Variants in AFDN observed in about 807,000 individuals in gnomAD.
AFDN encodes afadin.
A neutral mutation model predicts 216.6 loss-of-function variants in AFDN; 68 were observed. The observed-to-expected ratio is 0.31, with a 90% CI of 0.26 to 0.38. The LOEUF (loss-of-function observed/expected upper bound fraction) is 0.38, where lower values mean the gene tolerates loss of function less well. Among genes scored for constraint, AFDN ranks in the 10% least tolerant of loss-of-function variants. The pLI is 1.00. For missense variants in AFDN, 2,136 were observed against 2,342.0 expected (o/e 0.91, Z 1.82); for synonymous variants, 868 against 853.7 (o/e 1.02, Z -0.29).
chr6:167,964,052 G>A (rs1435593068), intron 31 of AFDN: 30 of 1,064,336 alleles, frequency 2.8e-5, no homozygotes, highest in Non-Finnish European at 3.3e-5. Flanking sequence ...CATGCAGAGA[G>A]GACCAGGCCA....
chr6:167,859,537 G>A (rs1468534325), intron 1 of AFDN, among the ~76,000 whole-genome samples: 1 of 152,188 alleles, frequency 6.6e-6, no homozygotes, highest in Non-Finnish European at 1.5e-5. Flanking sequence ...GCTAACCATA[G>A]AAGAAAAGTA....
At chr6:167,869,434 C>T (rs1784555764) in intron 2 of AFDN, among the ~76,000 whole-genome samples, 1 of 152,120 alleles carries the variant, frequency 6.6e-6, no homozygotes, top group Non-Finnish European at 1.5e-5. Flanking sequence ...CACTCAATAC[C>T]TGTTTAAATT....
intron 1 of AFDN, among the ~76,000 whole-genome samples, chr6:167,847,950 A>G (rs1465316410): frequency 1.3e-5 from 2 of 152,122 alleles, no homozygotes; most frequent in African/African-American, 4.8e-5. Context: ...TATAGCCACA[A>G]GGGGCCTGCT....
intron 7 of AFDN, among the ~76,000 whole-genome samples, chr6:167,889,806 A>G (rs958707310): frequency 6.6e-6 from 1 of 152,242 alleles, no homozygotes; most frequent in Non-Finnish European, 1.5e-5. Flanking sequence ...AGAAACCACA[A>G]TATTAGCACT....
chr6:167,935,774 CTTTTCTTTTTT>C (rs1306386076), intron 23 of AFDN, among the ~76,000 whole-genome samples: 1 of 151,130 alleles, frequency 6.6e-6, no homozygotes, highest in Admixed American at 6.6e-5. Context: ...GGCTCTTTTG[CTTTTCTTTTTT>C]TTTTCTTTTG....
chr6:167,951,554 C>G lies in AFDN; in HGVS notation c.4200C>G (p.Ser1400=), dbSNP rs185231306. Residue 1400 remains serine (S), a synonymous_variant, in exon 30 of 34, where the codon TCC becomes TCG. Coordinates refer to ENST00000683244, the MANE Select transcript of AFDN (RefSeq NM_001386888.1). The surrounding 1 kb of genome is among the most constrained non-coding windows in gnomAD (Gnocchi z 7.1). The part of the protein sequence containing the change: ...SMDLPLPPPP[S]ANQIGLPSAQ... ...ATTTGCCTCTCCCACCACCCCCTTC[C>G]GCCAACCAGATAGGGCTGCCGTCTG... 9 of 1,613,642 alleles carry G rather than the reference C, an allele frequency of 5.6e-6. No individual in the cohort carries two copies. The South Asian group carries it at 9.9e-5, about 18-fold the overall frequency.
intron 1 of AFDN, among the ~76,000 whole-genome samples, chr6:167,858,558 T>G (rs960694641): frequency 1.3e-5 from 2 of 152,210 alleles, no homozygotes; most frequent in Non-Finnish European, 2.9e-5. Context: ...ATTTGGTGAA[T>G]AAGCATTAAG....
chr6:167,934,220 T>G (rs1793692106), intron 23 of AFDN, among the ~76,000 whole-genome samples: 1 of 152,194 alleles, frequency 6.6e-6, no homozygotes, highest in African/African-American at 2.4e-5. Context: ...ATGTGGTCTG[T>G]TGGGTTTGTA....
intron 1 of AFDN, among the ~76,000 whole-genome samples, chr6:167,834,678 A>T (rs772333643): frequency 1.3e-5 from 2 of 151,912 alleles, no homozygotes; most frequent in African/African-American, 2.4e-5. Context: ...CCTTTGGAAG[A>T]TTCTTTTAAA....
chr6:167,936,658 T>G (rs1246435270), intron 23 of AFDN, among the ~76,000 whole-genome samples: 1 of 152,134 alleles, frequency 6.6e-6, no homozygotes, highest in Non-Finnish European at 1.5e-5. Context: ...AAGGAATTGT[T>G]ATGGCTCGAC....
chr6:167,965,019 TTGTTGC>T (rs1230547719), intron 31 of AFDN: 9 of 1,046,220 alleles, frequency 8.6e-6, no homozygotes, highest in East Asian at 5.6e-5. Context: ...TTTGAATATC[TTGTTGC>T]TGTTGCTGTT....
intron 13 of AFDN, among the ~76,000 whole-genome samples, chr6:167,909,161 AT>A (rs1190119546): frequency 6.6e-6 from 1 of 152,122 alleles, no homozygotes; most frequent in Non-Finnish European, 1.5e-5. Context: ...ATAATTGATC[AT>A]TTAAATTACA....
chr6:167,939,324 G>A (rs1415999039), intron 23 of AFDN, among the ~76,000 whole-genome samples: 1 of 152,198 alleles, frequency 6.6e-6, no homozygotes, highest in Admixed American at 6.5e-5. Flanking sequence ...CTCACTGACA[G>A]TTGGCATTCT....
chr6:167,947,047 A>C, intron 27 of AFDN, 146 bp downstream of exon 27: 1 of 685,286 alleles, frequency 1.5e-6, no homozygotes, highest in Non-Finnish European at 2.3e-6. Context: ...GGATATCATA[A>C]GTAACATTTC....
chr6:167,826,602 C>T (rs1196968148), upstream of AFDN: 1 of 522,616 alleles, frequency 1.9e-6, no homozygotes, highest in Non-Finnish European at 3.9e-6. Context: ...CAGCACCACC[C>T]ATCGGACCCA....
chr6:167,927,338 C>T (rs907936440), intron 23 of AFDN, among the ~76,000 whole-genome samples: 3 of 151,942 alleles, frequency 2.0e-5, no homozygotes, highest in African/African-American at 7.3e-5. Flanking sequence ...CTTGTGTGGG[C>T]CACTTTTGGA....
chr6:167,966,325 A>G (rs751853927), intron 32 of AFDN: 1 of 1,378,730 alleles, frequency 7.3e-7, no homozygotes, highest in African/African-American at 1.4e-5. Context: ...TTGGAACCTC[A>G]GCATCTCTCT....
chr6:167,928,953 T>G (rs779038192), intron 23 of AFDN, among the ~76,000 whole-genome samples: 4 of 152,200 alleles, frequency 2.6e-5, no homozygotes, highest in Non-Finnish European at 5.9e-5. Flanking sequence ...CTGGAATCTT[T>G]GCTATTACGA....
intron 15 of AFDN, among the ~76,000 whole-genome samples, chr6:167,912,881 A>T (rs1371672650): frequency 1.3e-5 from 2 of 152,182 alleles, no homozygotes; most frequent in African/African-American, 4.8e-5. Context: ...AAAAACAAAG[A>T]ATTTGCTCCC....
Sources: gnomAD v4.1 joint callset for allele counts (sites outside exome capture counted in the v4.1 genomes callset) on GRCh38, gnomAD v4.1.1 for gene constraint, Gnocchi (gnomAD v3.1) non-coding constraint, MANE v1.5 for transcripts, NCBI Gene and HGNC (gene_info 2026-07-23, HGNC 2026-07-21) for gene names.